Variants in PCDH11X observed in about 807,000 individuals in gnomAD.
The protein encoded by PCDH11X is protocadherin 11 X-linked, also known as protocadherin-11 X-linked.
PCDH11X carries 18 observed loss-of-function variants against 53.3 expected under a neutral mutation model. That is an observed-to-expected ratio of 0.34 (90% CI 0.23 to 0.50). PCDH11X has a LOEUF of 0.50. Ranked by LOEUF, PCDH11X falls within the 20% of genes least tolerant of loss-of-function variation. The pLI is 0.98. For synonymous variants in PCDH11X, 279 were observed against 393.3 expected (o/e 0.71, Z 3.44); for missense variants, 570 against 1,032.4 (o/e 0.55, Z 6.14).
chrX:91,951,198 C>A, intron 6 of PCDH11X, among the ~76,000 whole-genome samples: 1 of 110,258 alleles, frequency 9.1e-6, no homozygotes, highest in Admixed American at 9.7e-5. Context: ...AGAGTAAAAG[C>A]CATTTGAAAG....
rs780353324 is a variant in PCDH11X, at chrX:91,921,795, T to G, written c.3033+42522T>G. ...TCTGCTTGCTGGTTTTGTGTAAACA[T>G]AAGTTTTAAGCTCCTTTGGGTAAAT... On this transcript the variant is annotated intron_variant, in intron 6 of 10. Coordinates refer to ENST00000682573, the MANE Select transcript of PCDH11X (RefSeq NM_032968.5). 3.7e-3 allele frequency among the ~76,000 whole-genome samples: 406 copies of G among 109,630 alleles called. 2 individuals are homozygous for G. The highest frequency in any genetic ancestry group is 0.013 in the African/African-American group (387 of 30,175).
intron 6 of PCDH11X, among the ~76,000 whole-genome samples, chrX:92,016,695 G>T (rs1328170201): frequency 5.4e-5 from 6 of 110,878 alleles, no homozygotes; most frequent in East Asian, 2.9e-4. Flanking sequence ...TGTTGCGGAT[G>T]GTTTGATCTT....
chrX:92,408,072 A>G, intron 9 of PCDH11X, among the ~76,000 whole-genome samples: 1 of 110,302 alleles, frequency 9.1e-6, no homozygotes, highest in Non-Finnish European at 1.9e-5. Context: ...TTTAGTAGAA[A>G]CGGGGTTTTA....
At chrX:92,096,684 G>C (rs910421798) in intron 6 of PCDH11X, among the ~76,000 whole-genome samples, 2 of 110,403 alleles carry the variant, frequency 1.8e-5, no homozygotes, top group African/African-American at 3.3e-5. Context: ...GAGAATGAGA[G>C]CTGAGCAAAA....
chrX:92,366,884 G>T (rs1364108825), intron 8 of PCDH11X, among the ~76,000 whole-genome samples: 1 of 109,961 alleles, frequency 9.1e-6, no homozygotes, highest in African/African-American at 3.3e-5. Context: ...CCACTCTTTT[G>T]CATTTGCTGA....
chrX:92,107,688 G>A (rs35815311), intron 6 of PCDH11X, among the ~76,000 whole-genome samples: 1 of 112,127 alleles, frequency 8.9e-6, no homozygotes, highest in Non-Finnish European at 1.9e-5. Flanking sequence ...ATTGTCCCAC[G>A]TTTCTGAACC....
intron 7 of PCDH11X, among the ~76,000 whole-genome samples, chrX:92,233,946 A>T (rs1216941370): frequency 8.9e-6 from 1 of 112,242 alleles, no homozygotes; most frequent in Non-Finnish European, 1.9e-5. Context: ...CAGTGATTTC[A>T]ATTTTTTCTG....
intron 6 of PCDH11X, among the ~76,000 whole-genome samples, chrX:92,077,039 A>T (rs2063783228): frequency 8.9e-6 from 1 of 111,891 alleles, no homozygotes; most frequent in South Asian, 3.7e-4. Context: ...TTTTGTTAAT[A>T]CATCTTTTTA....
intron 6 of PCDH11X, among the ~76,000 whole-genome samples, chrX:92,010,280 AATAG>A (rs921190668): frequency 1.8e-5 from 2 of 109,704 alleles, no homozygotes; most frequent in Admixed American, 9.8e-5. Context: ...TGTCATTTAA[AATAG>A]ATAGCATCTA....
chrX:91,914,068 C>T (rs917376967), intron 6 of PCDH11X, among the ~76,000 whole-genome samples: 6 of 111,959 alleles, frequency 5.4e-5, no homozygotes, highest in Non-Finnish European at 9.4e-5. Flanking sequence ...AGACAGATCA[C>T]ATCACAGGAC....
intron 6 of PCDH11X, among the ~76,000 whole-genome samples, chrX:92,010,719 A>G (rs1286460434): frequency 9.1e-6 from 1 of 109,863 alleles, no homozygotes; most frequent in African/African-American, 3.3e-5. Context: ...AAAAGCCACA[A>G]TCACTATTTT....
intron 6 of PCDH11X, among the ~76,000 whole-genome samples, chrX:91,946,637 T>C (rs2061579144): frequency 1.1e-5 from 1 of 93,805 alleles, no homozygotes; most frequent in African/African-American, 3.8e-5. Context: ...ATTTGTGATA[T>C]ATTTATCTTT....
Position 91,936,761 on chromosome X carries a change from G to C in PCDH11X, c.3033+57488G>C, listed in dbSNP as rs937117825. Among the ~76,000 whole-genome samples, 7 of 107,645 alleles carry C rather than the reference G, an allele frequency of 6.5e-5. 1 individual carries two copies. Among genetic ancestry groups the C allele is most frequent in the Admixed American group, 3.0e-4 (3 of 9,918 alleles). 93.5% of individuals were successfully genotyped at this position (107,645 alleles called of 115,157 possible). On this transcript the variant is annotated intron_variant, in intron 6 of 10. Coordinates refer to ENST00000682573, the MANE Select transcript of PCDH11X (RefSeq NM_032968.5). ...TAGCATGAAGCCATACATGAATAAA[G>C]CTTATTTCTTATCTGCATCGATGTT...
intron 7 of PCDH11X, among the ~76,000 whole-genome samples, chrX:92,215,897 G>T (rs1230366964): frequency 9.1e-6 from 1 of 109,830 alleles, no homozygotes; most frequent in East Asian, 2.9e-4. Context: ...CGCGGTTCAC[G>T]AAAATCCGTG....
chrX:92,063,338 TAA>T (rs77268445), intron 6 of PCDH11X, among the ~76,000 whole-genome samples: 2 of 103,758 alleles, frequency 1.9e-5, no homozygotes, highest in Non-Finnish European at 4.0e-5. Flanking sequence ...CTTAAAGTAT[TAA>T]AAAAAAAAAG....
At chrX:92,076,009 C>G (rs2063767432) in intron 6 of PCDH11X, among the ~76,000 whole-genome samples, 3 of 110,068 alleles carry the variant, frequency 2.7e-5, no homozygotes, top group Admixed American at 9.8e-5. Flanking sequence ...TGTTGGTATG[C>G]CATGCCTTAA....
intron 8 of PCDH11X, among the ~76,000 whole-genome samples, chrX:92,355,417 C>CAAAAAAAAA (rs57339128): frequency 3.0e-4 from 7 of 23,593 alleles, no homozygotes; most frequent in Non-Finnish European, 3.7e-4. Flanking sequence ...GACTCCGTCT[C>CAAAAAAAAA]AAAAAAAAAA....
In PCDH11X at chrX:92,559,714, A is replaced by C. The variant is rs189664571; in HGVS notation, c.3368-58550A>C. 4.0e-3 allele frequency among the ~76,000 whole-genome samples: 437 copies of C among 110,566 alleles called. 1 individual carries two copies. Among genetic ancestry groups the C allele is most frequent in the Non-Finnish European group, 6.2e-3 (330 of 52,834 alleles). ...TCCTGCCCTGTCATAGTGGAGAATG[A>C]AGCTGTGCTGGGCTTAGCCATCCCT... On this transcript the variant is annotated intron_variant, in intron 10 of 10. Coordinates refer to ENST00000682573, the MANE Select transcript of PCDH11X (RefSeq NM_032968.5).
chrX:91,921,364 A>G (rs1421766496), intron 6 of PCDH11X, among the ~76,000 whole-genome samples: 1 of 110,630 alleles, frequency 9.0e-6, no homozygotes, highest in Non-Finnish European at 1.9e-5. Flanking sequence ...TGTACATTCT[A>G]TGGGTTTGGA....
Sources: allele counts gnomAD v4.1 joint callset (sites outside exome capture counted in the v4.1 genomes callset), GRCh38; gene constraint gnomAD v4.1.1; transcripts MANE v1.5; gene names NCBI Gene and HGNC (gene_info 2026-07-23, HGNC 2026-07-21).